Variants in CD22 observed in about 807,000 individuals in gnomAD.
The protein encoded by CD22 is CD22 molecule.
In CD22, 51 loss-of-function variants were observed where a neutral mutation model predicts 94.7. That is an observed-to-expected ratio of 0.54 (90% CI 0.43 to 0.68). The LOEUF (loss-of-function observed/expected upper bound fraction) is 0.68, where lower values mean the gene tolerates loss of function less well. CD22 is among the 30% of genes least tolerant of loss of function. The pLI is 0.00. For synonymous variants in CD22, 424 were observed against 422.5 expected (o/e 1.00, Z -0.04); for missense variants, 931 against 1,060.4 (o/e 0.88, Z 1.69).
chr19:35,338,456 T>A, intron 6 of CD22, 25 bp downstream of exon 6: 1 of 1,598,950 alleles, frequency 6.3e-7, no homozygotes, highest in Non-Finnish European at 8.5e-7. Context: ...AGCCTCTGGT[T>A]CTAGGGAGAG....
intron 11 of CD22, 77 bp downstream of exon 11, chr19:35,345,203 A>G: frequency 7.8e-7 from 1 of 1,277,226 alleles, no homozygotes; most frequent in South Asian, 1.2e-5. Flanking sequence ...GGATCACCTG[A>G]GGTCAGGAGT....
intron 12 of CD22, 52 bp downstream of exon 12, chr19:35,345,772 GA>G (rs772103640): frequency 7.3e-5 from 92 of 1,255,496 alleles, no homozygotes; most frequent in Non-Finnish European, 1.1e-4. Context: ...GAGGCGGGAG[GA>G]AAAGCTCTGT....
At chr19:35,340,074 G>T (rs903544172) in intron 6 of CD22, among the ~76,000 whole-genome samples, 1 of 152,102 alleles carries the variant, frequency 6.6e-6, no homozygotes, top group African/African-American at 2.4e-5. Flanking sequence ...TCGATCCTTG[G>T]ACCCTGAGAT....
At chr19:35,338,135 C>A (rs912625698) in intron 5 of CD22, 33 bp from the exon 6 acceptor site, 1 of 1,588,620 alleles carries the variant, frequency 6.3e-7, no homozygotes, top group Non-Finnish European at 8.6e-7. Flanking sequence ...GTGCTCTCCT[C>A]ACCCCTCCAC....
chr19:35,344,885 A>G lies in CD22; in HGVS notation c.2092A>G (p.Ile698Val), dbSNP rs2066877422. Residue 698 changes from isoleucine to valine, a missense_variant, in exon 10 of 14, where the codon ATC becomes GTC. Transcript: ENST00000085219. ...TGTGGGACTCGGGTCCTGCCTCGCC[A>G]TCCTCATCCTGGCAATCTGTGGGCT... The part of the protein sequence containing the change: ...VAVGLGSCLA[I>V]LILAICGLKL... The G allele has an allele frequency of 1.9e-6, 3 of 1,613,982 alleles. No individual in the cohort carries two copies. The highest frequency in any genetic ancestry group is 2.5e-6 in the Non-Finnish European group (3 of 1,180,008).
chr19:35,341,467 G>A lies in CD22; in HGVS notation c.1632G>A (p.Glu544=). 1 of 1,614,176 alleles carries A rather than the reference G, an allele frequency of 6.2e-7. No individual in the cohort carries two copies. Among genetic ancestry groups the A allele is most frequent in the Non-Finnish European group, 8.5e-7 (1 of 1,180,030 alleles). The part of the protein sequence containing the change: ...SHPKEVQFFW[E]KNGRLLGKES... ...CCAAAGAAGTCCAGTTCTTCTGGGA[G>A]AAAAATGGCAGGCTTCTGGGGAAAG... is the stretch of plus-strand genomic sequence containing the variant. Residue 544 remains glutamate, a synonymous_variant, in exon 8 of 14, where the codon GAG becomes GAA. Transcript: ENST00000085219. The surrounding 1 kb of genome is among the most constrained non-coding windows in gnomAD (Gnocchi z 4.0).
rs2066917503 is a variant in CD22 at position 35,346,876 on chromosome 19, T to TCCGCAG, written c.*179_*180insCCGCAG. 1.5e-6 allele frequency: 1 copy of TCCGCAG among 649,680 alleles called. No homozygotes were observed. Among genetic ancestry groups the TCCGCAG allele is most frequent in the Non-Finnish European group, 2.5e-6 (1 of 397,728 alleles). 40.2% of individuals were successfully genotyped at this position (649,680 alleles called of 1,614,324 possible). A position where few individuals can be genotyped will look rare whatever the true frequency, so the allele number is the denominator to read the frequency against. Reference sequence around the variant, plus strand: ...CCTTGTGCCTGGCTCAGAGCCAGTCTTTTTGGTGAGGGTAACCCCAAACCT... The same window carrying TCCGCAG: ...CCTTGTGCCTGGCTCAGAGCCAGTCTCCGCAGTTTTGGTGAGGGTAACCCCAAACCT... On this transcript the variant is annotated 3_prime_UTR_variant, in exon 14 of 14. Coordinates refer to ENST00000085219, the MANE Select transcript of CD22 (RefSeq NM_001771.4).
At position 35,337,486 on chromosome 19, in the gene CD22, T is replaced by A. The variant is rs2145660149; in HGVS notation, c.719-269T>A. 6.6e-6 allele frequency among the ~76,000 whole-genome samples: 1 copy of A among 152,178 alleles called. No homozygotes were observed. Among genetic ancestry groups the A allele is most frequent in the Non-Finnish European group, 1.5e-5 (1 of 68,018 alleles). On this transcript the variant is annotated intron_variant, in intron 4 of 13. Coordinates refer to ENST00000085219, the MANE Select transcript of CD22 (RefSeq NM_001771.4). This position sits in a 1 kb window ranked among gnomAD's most constrained non-coding sequence, Gnocchi z 4.4. ...CGAGGGCTGAGGTGAGGGTTTGGGA[T>A]TCTATGCAAAGCACAGAACCCGCTC...
intron 9 of CD22, among the ~76,000 whole-genome samples, chr19:35,342,906 G>C (rs2066839087): frequency 1.3e-5 from 2 of 151,972 alleles, no homozygotes; most frequent in Non-Finnish European, 2.9e-5. Flanking sequence ...TGCCTCCCGG[G>C]TTCACGCCAT....
intron 4 of CD22, 140 bp downstream of exon 4, chr19:35,336,481 A>T: frequency 1.4e-6 from 1 of 709,576 alleles, no homozygotes; most frequent in Non-Finnish European, 2.3e-6. Flanking sequence ...CCGCCTTGTC[A>T]GCCCTGGTGT....
intron 4 of CD22, among the ~76,000 whole-genome samples, chr19:35,336,982 G>C (rs148767060): frequency 0.011 from 1,698 of 152,202 alleles, 28 homozygotes; most frequent in African/African-American, 0.039. Flanking sequence ...GCTCACGCCT[G>C]TAATCCTAGC....
intron 9 of CD22, 92 bp downstream of exon 9, chr19:35,342,057 T>C (rs10416687): frequency 0.055 from 41,028 of 748,464 alleles, 1,854 homozygotes; most frequent in South Asian, 0.096. Context: ...TTCCTTCCTT[T>C]CTTTCTCTCT....
Position 35,340,883 on chromosome 19 carries a change from C to T in CD22, c.1252C>T (p.Pro418Ser), listed in dbSNP as rs1247769415. 1.9e-6 allele frequency: 3 copies of T among 1,613,932 alleles called. No homozygotes were observed. Among genetic ancestry groups the T allele is most frequent in the African/African-American group, 2.7e-5 (2 of 74,912 alleles). The change falls in exon 7 of 14, where the codon CCT (proline) becomes TCT (serine). Residue 418 changes from proline to serine, a missense_variant and splice_region_variant. Pro to Ser is a moderately conservative substitution (Grantham distance 74, BLOSUM62 -1). Coordinates refer to ENST00000085219, the MANE Select transcript of CD22 (RefSeq NM_001771.4). ...GPGAELDVQY[P>S]PKKVTTVIQN... The stretch of plus-strand genomic sequence containing the variant: ...TCACCTCTCTGGTTTTCTTCCAGAT[C>T]CTCCCAAGAAGGTGACCACAGTGAT...
At position 35,332,547 on chromosome 19, in the gene CD22, T is replaced by C. The variant is rs773464274; in HGVS notation, c.35T>C (p.Val12Ala). 4.3e-6 allele frequency: 7 copies of C among 1,610,578 alleles called. No homozygotes were observed. The highest frequency in any genetic ancestry group is 1.7e-4 in the Middle Eastern group (1 of 6,042). The change falls in exon 3 of 14, where the codon GTT becomes GCT. Residue 12 changes from valine to alanine, a missense_variant and splice_region_variant. Transcript: ENST00000085219. ...AATGCTTTCTGATCACTGTGGTGAG[T>C]TCTAGAATACTTGGCTTTCTCTGAC... is the stretch of plus-strand genomic sequence containing the variant. ...HLLGPWLLLL[V>A]LEYLAFSDSS...
rs1165870786 is a variant in CD22 at position 35,332,782 on chromosome 19, A to G, written c.270A>G (p.Lys90=). ...ATGGGAAGGTTCCTTCTGAGCAGAA[A>G]AGGGTGCAATTCCTGGGAGACAAGA... ...TKDGKVPSEQ[K]RVQFLGDKNK... is the part of the protein sequence containing the mutation. The change falls in exon 3 of 14, where the codon AAA becomes AAG. Residue 90 remains lysine (K), a synonymous_variant. Coordinates refer to ENST00000085219, the MANE Select transcript of CD22 (RefSeq NM_001771.4). 2 of 1,614,090 alleles carry G rather than the reference A, an allele frequency of 1.2e-6. No individual in the cohort carries two copies. Among genetic ancestry groups the G allele is most frequent in the East Asian group, 2.2e-5 (1 of 44,894 alleles).
In CD22 at chr19:35,347,055, CA is replaced by C; in HGVS notation, c.*359del. The C allele has an allele frequency of 4.9e-6, 1 of 202,196 alleles. No individual in the cohort carries two copies. The highest frequency in any genetic ancestry group is 1.0e-5 in the Non-Finnish European group (1 of 97,944). 12.5% of individuals were successfully genotyped at this position (202,196 alleles called of 1,614,324 possible). On this transcript the variant is annotated 3_prime_UTR_variant, in exon 14 of 14. Coordinates refer to ENST00000085219, the MANE Select transcript of CD22 (RefSeq NM_001771.4). ...TGTGTCCCTCCTGGGATCTGCTCGT[CA>C]TCATTTTTCCTTCCCTTCTCCATCT...
At chr19:35,331,898 G>C in intron 1 of CD22, 121 bp from the exon 2 acceptor site, 11 of 1,557,694 alleles carry the variant, frequency 7.1e-6, no homozygotes, top group Non-Finnish European at 8.7e-6. Context: ...TCCCCATAAT[G>C]CAACCAGACC....
rs2066912822 is a variant in CD22 at position 35,346,616 on chromosome 19, T to G, written c.2463T>G (p.His821Gln). The change falls in exon 14 of 14, where the codon CAT (histidine) becomes CAG (glutamine). Residue 821 changes from histidine to glutamine, a missense_variant. His to Gln is a conservative substitution (Grantham distance 24, BLOSUM62 0). Coordinates refer to ENST00000085219, the MANE Select transcript of CD22 (RefSeq NM_001771.4). ...IPDFPEDEGI[H>Q]YSELIQFGVG... ...ATTTTCCAGAAGATGAGGGGATTCA[T>G]TACTCAGAGCTGATCCAGTTTGGGG... 1 of 1,606,664 alleles carries G rather than the reference T, an allele frequency of 6.2e-7. No homozygotes were observed. Among genetic ancestry groups the G allele is most frequent in the African/African-American group, 1.3e-5 (1 of 74,838 alleles).
intron 11 of CD22, 156 bp from the exon 12 acceptor site, chr19:35,345,444 AAG>A: frequency 1.8e-6 from 1 of 545,382 alleles, no homozygotes; most frequent in Non-Finnish European, 3.2e-6. Flanking sequence ...AAAAAAAAAA[AAG>A]GGTAGGCATG....
Sources: allele counts gnomAD v4.1 joint callset (sites outside exome capture counted in the v4.1 genomes callset), GRCh38; gene constraint gnomAD v4.1.1; non-coding constraint Gnocchi (gnomAD v3.1); transcripts MANE v1.5; gene names NCBI Gene and HGNC (gene_info 2026-07-23, HGNC 2026-07-21).